LRRC41: variants seen among roughly 807,000 people sequenced by gnomAD.
LRRC41 encodes the protein leucine-rich repeat-containing protein 41.
LRRC41 carries 17 observed loss-of-function variants against 72.1 expected under a neutral mutation model. The ratio of observed to expected loss-of-function variants is 0.24; its 90% CI spans 0.16 to 0.35. LRRC41 has a LOEUF of 0.35. Among genes scored for constraint, LRRC41 ranks in the 10% least tolerant of loss-of-function variants. The pLI is 1.00. For synonymous variants in LRRC41, 427 were observed against 431.0 expected (o/e 0.99, Z 0.11); for missense variants, 759 against 1,065.0 (o/e 0.71, Z 4.00).
At chr1:46,297,685 T>A in intron 2 of LRRC41, 52 bp from the exon 3 acceptor site, 1 of 1,288,328 alleles carries the variant, frequency 7.8e-7, no homozygotes, top group Non-Finnish European at 1.1e-6. Context: ...ATGAGTAAAG[T>A]ACATCAACCT....
Position 46,278,006 on chromosome 1 carries a change from T to C in LRRC41, c.*859A>G, listed in dbSNP as rs1660668016. 1 of 1,614,064 alleles carries C rather than the reference T, an allele frequency of 6.2e-7. No homozygotes were observed. The highest frequency in any genetic ancestry group is 1.1e-5 in the South Asian group (1 of 91,086). On this transcript the variant is annotated 3_prime_UTR_variant, in exon 10 of 10. Coordinates refer to ENST00000617190, the MANE Select transcript of LRRC41 (RefSeq NM_006369.5). ...GTGGGGAAGTGCCCTAACCATTATC[T>C]CTAAGCTACCCACACAGTAGGGAGA...
intron 3 of LRRC41, among the ~76,000 whole-genome samples, chr1:46,294,809 G>T (rs1380138304): frequency 2.0e-5 from 3 of 151,816 alleles, no homozygotes; most frequent in Admixed American, 6.6e-5. Context: ...TGGCCAGGCT[G>T]GTCTTGAACT....
At chr1:46,287,947 T>A (rs969568422) in intron 3 of LRRC41, among the ~76,000 whole-genome samples, 2 of 152,222 alleles carry the variant, frequency 1.3e-5, no homozygotes, top group African/African-American at 4.8e-5. Context: ...ATTCTGCACT[T>A]GATCTTAGCC....
intron 2 of LRRC41, among the ~76,000 whole-genome samples, chr1:46,298,037 G>T (rs532100615): frequency 6.6e-6 from 1 of 152,272 alleles, no homozygotes; most frequent in South Asian, 2.1e-4. Context: ...CACAAGATAT[G>T]GGTTGTTGTT....
intron 3 of LRRC41, among the ~76,000 whole-genome samples, chr1:46,292,799 T>A (rs1041654602): frequency 2.6e-5 from 4 of 152,230 alleles, no homozygotes; most frequent in African/African-American, 4.8e-5. Flanking sequence ...TTCATTTTTT[T>A]AATTTAATCA....
intron 3 of LRRC41, among the ~76,000 whole-genome samples, chr1:46,293,760 G>T (rs1661066394): frequency 6.7e-6 from 1 of 149,850 alleles, no homozygotes; most frequent in South Asian, 2.1e-4. Flanking sequence ...ATTTTGTTTT[G>T]TTGTTGTTGT....
At chr1:46,290,173 C>T (rs1660977492) in intron 3 of LRRC41, among the ~76,000 whole-genome samples, 1 of 152,066 alleles carries the variant, frequency 6.6e-6, no homozygotes. Flanking sequence ...TTGGGGATGC[C>T]AAGGTGGGCA....
Position 46,277,673 on chromosome 1 carries a change from G to A in LRRC41, c.*1192C>T, listed in dbSNP as rs1030314269. On this transcript the variant is annotated 3_prime_UTR_variant, in exon 10 of 10. Coordinates refer to ENST00000617190, the MANE Select transcript of LRRC41 (RefSeq NM_006369.5). ...TGGGAAAATGGACCTCAGCTGAGTA[G>A]AGATAATGTTCTGGGACTCATACTT... The A allele has an allele frequency of 1.4e-5, 13 of 929,432 alleles. No homozygotes were observed. Among genetic ancestry groups the A allele is most frequent in the Non-Finnish European group, 2.0e-5 (12 of 594,538 alleles). The allele number at this position is 929,432 out of a possible 1,614,324, so 57.6% of individuals were successfully genotyped here.
At position 46,279,364 on chromosome 1, in the gene LRRC41, C is replaced by T. The variant is rs1298408405; in HGVS notation, c.2144-107G>A. Reference sequence around the variant, plus strand: ...ACCAGCCCTGCTGGTTCCTGAAGCCCCAGCACAGAAATATCTGTATTCCAA... The same window carrying T: ...ACCAGCCCTGCTGGTTCCTGAAGCCTCAGCACAGAAATATCTGTATTCCAA... On this transcript the variant is annotated intron_variant, in intron 8 of 9. Coordinates refer to ENST00000617190, the MANE Select transcript of LRRC41 (RefSeq NM_006369.5). This position sits in a 1 kb window ranked among gnomAD's most constrained non-coding sequence, Gnocchi z 4.5. The T allele has an allele frequency of 1.9e-6, 3 of 1,578,398 alleles. No homozygotes were observed. The African/African-American group carries it at 4.0e-5, about 21-fold the overall frequency.
rs188608625 is a variant in LRRC41 at position 46,287,124 on chromosome 1, T to C, written c.358-625A>G. Among the ~76,000 whole-genome samples the C allele has an allele frequency of 3.3e-5, 5 of 151,436 alleles. No homozygotes were observed. The East Asian group carries it at 9.7e-4, about 30-fold the overall frequency. The stretch of plus-strand genomic sequence containing the variant: ...AGCCCCTTATCCCAACTTCATTTTT[T>C]TTTAGACGGAGTCTCACTCTGTCGC... On this transcript the variant is annotated intron_variant, in intron 3 of 9. Coordinates refer to ENST00000617190, the MANE Select transcript of LRRC41 (RefSeq NM_006369.5).
chr1:46,303,049 T>TCGCCCCCCG (rs1250007178), intron 1 of LRRC41, 75 bp downstream of exon 1: 2 of 1,341,430 alleles, frequency 1.5e-6, no homozygotes, highest in Non-Finnish European at 1.9e-6. Flanking sequence ...CCTCCCGGCC[T>TCGCCCCCCG]CGCCCCCCGC....
chr1:46,278,214 G>A lies in LRRC41; in HGVS notation c.*651C>T, dbSNP rs1015113735. 1 of 1,613,934 alleles carries A rather than the reference G, an allele frequency of 6.2e-7. No individual in the cohort carries two copies. Among genetic ancestry groups the A allele is most frequent in the Non-Finnish European group, 8.5e-7 (1 of 1,179,982 alleles). On this transcript the variant is annotated 3_prime_UTR_variant, in exon 10 of 10. Coordinates refer to ENST00000617190, the MANE Select transcript of LRRC41 (RefSeq NM_006369.5). ...TGAGGTACTCCAGGCTGCCTGGGAT[G>A]CTGCCTCCACTGCCATCACCTTCGT...
Position 46,278,185 on chromosome 1 carries a change from G to A in LRRC41, c.*680C>T, listed in dbSNP as rs763700600. 22 of 1,613,616 alleles carry A rather than the reference G, an allele frequency of 1.4e-5. No homozygotes were observed. Among genetic ancestry groups the A allele is most frequent in the Middle Eastern group, 1.6e-4 (1 of 6,084 alleles). On this transcript the variant is annotated 3_prime_UTR_variant, in exon 10 of 10. Transcript: ENST00000617190. ...CACTGCACTGATAAGTGGGGGCTCC[G>A]GGATGAGGTACTCCAGGCTGCCTGG...
rs768757774 is a variant in LRRC41 at position 46,285,989 on chromosome 1, G to A, written c.868C>T (p.Arg290Cys). 1.2e-5 allele frequency: 18 copies of A among 1,546,118 alleles called. No individual in the cohort carries two copies. Among genetic ancestry groups the A allele is most frequent in the Non-Finnish European group, 1.4e-5 (16 of 1,146,318 alleles). The change falls in exon 4 of 10, where the codon CGC becomes TGC. Residue 290 changes from arginine (R) to cysteine (C), a missense_variant. Arg to Cys is a radical substitution (Grantham distance 180, BLOSUM62 -3). Around this residue, in one of 4 missense-constraint regions of LRRC41, gnomAD observed 427 missense variants for 520.9 expected, o/e 0.82. Coordinates refer to ENST00000617190, the MANE Select transcript of LRRC41 (RefSeq NM_006369.5). The surrounding 1 kb of genome is among the most constrained non-coding windows in gnomAD (Gnocchi z 5.3). ...GSLLLGSRRP[R>C]RDAAERCAAA... is the part of the protein sequence containing the mutation. ...GCACATCGCTCAGCAGCATCCCGGCGGGGCCGACGTGAGCCCAATAAGAGG... is the reference window on the plus strand; with the variant it reads ...GCACATCGCTCAGCAGCATCCCGGCAGGGCCGACGTGAGCCCAATAAGAGG...
Position 46,279,586 on chromosome 1 carries a change from A to T in LRRC41, c.2049T>A (p.Phe683Leu). The change falls in exon 8 of 10, where the codon TTT (phenylalanine) becomes TTA (leucine). Residue 683 changes from phenylalanine to leucine, a missense_variant. Around this residue, in one of 4 missense-constraint regions of LRRC41, gnomAD observed 110 missense variants for 227.0 expected, o/e 0.48. Coordinates refer to ENST00000617190, the MANE Select transcript of LRRC41 (RefSeq NM_006369.5). This position sits in a 1 kb window ranked among gnomAD's most constrained non-coding sequence, Gnocchi z 4.5. ...QEITFSFCRL[F>L]EKRPAQFLPE... ...GCAGAAATTGGGCTGGGCGCTTCTC[A>T]AACAGACGGCAGAAGGAGAAGGTAA... 6.2e-7 allele frequency: 1 copy of T among 1,614,220 alleles called. No individual in the cohort carries two copies. The highest frequency in any genetic ancestry group is 8.5e-7 in the Non-Finnish European group (1 of 1,180,044).
chr1:46,302,363 C>G lies in LRRC41; in HGVS notation c.199+761G>C. ...CGCTCCGGGCCCCCCTCCACTCGCT[C>G]TCCGGTCCCTCCTCGCCGCTCGAGC... On this transcript the variant is annotated intron_variant, in intron 1 of 9. Coordinates refer to ENST00000617190, the MANE Select transcript of LRRC41 (RefSeq NM_006369.5). The surrounding 1 kb of genome is among the most constrained non-coding windows in gnomAD (Gnocchi z 4.7). 2 of 985,474 alleles carry G rather than the reference C, an allele frequency of 2.0e-6. No homozygotes were observed. Among genetic ancestry groups the G allele is most frequent in the Non-Finnish European group, 2.4e-6 (2 of 829,936 alleles). The allele number at this position is 985,474 out of a possible 1,614,324, so 61.0% of individuals were successfully genotyped here. A position where few individuals can be genotyped will look rare whatever the true frequency, so the allele number is the denominator to read the frequency against.
At position 46,303,474 on chromosome 1, in the gene LRRC41, G is replaced by C; in HGVS notation, c.-152C>G. 6 of 806,552 alleles carry C rather than the reference G, an allele frequency of 7.4e-6. No homozygotes were observed. Among genetic ancestry groups the C allele is most frequent in the Admixed American group, 3.0e-5 (1 of 33,672 alleles). 50.0% of individuals were successfully genotyped at this position (806,552 alleles called of 1,614,324 possible). ...ATTAGCACACTTTCCAAGTCTCTTA[G>C]GAGCTACTATTTTAGATAAACTCCT... On this transcript the variant is annotated 5_prime_UTR_variant, in exon 1 of 10. Transcript: ENST00000617190.
At chr1:46,287,509 CTAAT>C (rs1021268684) in intron 3 of LRRC41, among the ~76,000 whole-genome samples, 1 of 152,190 alleles carries the variant, frequency 6.6e-6, no homozygotes, top group Non-Finnish European at 1.5e-5. Context: ...TTGTAAAACA[CTAAT>C]TACATCATAC....
At chr1:46,289,918 G>A (rs977407121) in intron 3 of LRRC41, among the ~76,000 whole-genome samples, 1 of 152,222 alleles carries the variant, frequency 6.6e-6, no homozygotes, top group Non-Finnish European at 1.5e-5. Flanking sequence ...GATCAATGAG[G>A]TGAAGTGATG....
Sources: allele counts gnomAD v4.1 joint callset (sites outside exome capture counted in the v4.1 genomes callset), GRCh38; gene constraint gnomAD v4.1.1; regional missense constraint gnomAD v4.1.1; non-coding constraint Gnocchi (gnomAD v3.1); transcripts MANE v1.5; gene names NCBI Gene and HGNC (gene_info 2026-07-23, HGNC 2026-07-21).